CUL3: variants seen among roughly 807,000 people sequenced by gnomAD.
CUL3 encodes cullin 3, also known as cullin-3.
A neutral mutation model predicts 89.1 loss-of-function variants in CUL3; 19 were observed. The ratio of observed to expected loss-of-function variants is 0.21; its 90% CI spans 0.15 to 0.31. The LOEUF (loss-of-function observed/expected upper bound fraction) is 0.31, where lower values mean the gene tolerates loss of function less well. Ranked by LOEUF, CUL3 falls within the 10% of genes least tolerant of loss-of-function variation. The pLI, the probability that CUL3 is intolerant of heterozygous loss-of-function variation, is 1.00. For synonymous variants in CUL3, 351 were observed against 308.4 expected (o/e 1.14, Z -1.45); for missense variants, 469 against 942.3 (o/e 0.50, Z 6.58).
At chr2:224,530,009 C>T (rs764065628) in intron 3 of CUL3, among the ~76,000 whole-genome samples, 5 of 151,862 alleles carry the variant, frequency 3.3e-5, no homozygotes, top group Non-Finnish European at 7.4e-5. Context: ...GAGGCCAAGG[C>T]GGGCAGATCA....
At chr2:224,510,818 T>G (rs1046848434) in intron 6 of CUL3, among the ~76,000 whole-genome samples, 38 of 152,336 alleles carry the variant, frequency 2.5e-4, no homozygotes, top group African/African-American at 7.5e-4. Context: ...CACTCCTCCT[T>G]CCTCCTTTTC....
chr2:224,500,437 A>G lies in CUL3; in HGVS notation c.1536T>C (p.Tyr512=). 6.2e-7 allele frequency: 1 copy of G among 1,613,922 alleles called. No homozygotes were observed. The highest frequency in any genetic ancestry group is 8.5e-7 in the Non-Finnish European group (1 of 1,179,896). ...TTGGTGTGGCTGACTGAGTGGGCCAATATCCTGTCGTGAGCACCCGGACTG... is the reference window on the plus strand; with the variant it reads ...TTGGTGTGGCTGACTGAGTGGGCCAGTATCCTGTCGTGAGCACCCGGACTG... ...DLTVRVLTTG[Y]WPTQSATPKC... Residue 512 remains tyrosine, a synonymous_variant, in exon 11 of 16, where the codon TAT becomes TAC. Transcript: ENST00000264414.
intron 1 of CUL3, among the ~76,000 whole-genome samples, chr2:224,561,329 A>G (rs1262767003): frequency 6.6e-6 from 1 of 152,230 alleles, no homozygotes; most frequent in East Asian, 1.9e-4. Context: ...TTACAACCTA[A>G]GCAACATTGA....
intron 6 of CUL3, among the ~76,000 whole-genome samples, chr2:224,508,379 G>A (rs559840989): frequency 6.6e-6 from 1 of 151,998 alleles, no homozygotes; most frequent in Non-Finnish European, 1.5e-5. Flanking sequence ...TTACAACCAA[G>A]TTTCCCATAT....
chr2:224,518,814 T>C (rs1377723899), intron 3 of CUL3, among the ~76,000 whole-genome samples: 1 of 152,228 alleles, frequency 6.6e-6, no homozygotes. Context: ...CCCCTTCTAT[T>C]TGCTATCGGT....
At chr2:224,523,317 T>G (rs1254741952) in intron 3 of CUL3, among the ~76,000 whole-genome samples, 1 of 151,630 alleles carries the variant, frequency 6.6e-6, no homozygotes, top group African/African-American at 2.4e-5. Flanking sequence ...CCAACGCCCC[T>G]GGAAGAACAA....
In CUL3 at chr2:224,497,786, A is replaced by G; in HGVS notation, c.1674T>C (p.Asp558=). Residue 558 remains aspartate (D), a synonymous_variant, in exon 12 of 16, where the codon GAT becomes GAC. Coordinates refer to ENST00000264414, the MANE Select transcript of CUL3 (RefSeq NM_003590.5). The part of the protein sequence containing the change: ...LTLQHHMGSA[D]LNATFYGPVK... The stretch of plus-strand genomic sequence containing the variant: ...CTGGTCCATAAAATGTGGCATTGAG[A>G]TCTGCAGAACCCATATGATGCTGGA... 6.2e-7 allele frequency: 1 copy of G among 1,613,980 alleles called. No individual in the cohort carries two copies. Among genetic ancestry groups the G allele is most frequent in the Non-Finnish European group, 8.5e-7 (1 of 1,179,844 alleles).
chr2:224,480,775 G>A (rs1261187637), intron 14 of CUL3, among the ~76,000 whole-genome samples: 2 of 152,112 alleles, frequency 1.3e-5, no homozygotes, highest in Non-Finnish European at 2.9e-5. Context: ...CTGCCCAAAT[G>A]TATAAAGTAG....
intron 13 of CUL3, among the ~76,000 whole-genome samples, chr2:224,486,946 TG>T (rs532627814): frequency 3.3e-5 from 5 of 150,784 alleles, no homozygotes; most frequent in African/African-American, 7.3e-5. Context: ...CAGAAGAGAG[TG>T]GGGGGGGCCA....
intron 6 of CUL3, among the ~76,000 whole-genome samples, chr2:224,510,263 G>A (rs1692768021): frequency 7.3e-6 from 1 of 136,868 alleles, no homozygotes; most frequent in Non-Finnish European, 1.6e-5. Flanking sequence ...TTTAACTGAA[G>A]AGTCTTTTAA....
intron 1 of CUL3, chr2:224,560,348 T>G (rs1454147104): frequency 6.6e-6 from 1 of 152,200 alleles, no homozygotes; most frequent in African/African-American, 2.4e-5. Context: ...AATTGATACA[T>G]TCTCTGGCCC....
intron 1 of CUL3, among the ~76,000 whole-genome samples, chr2:224,564,911 T>C (rs996781965): frequency 1.3e-5 from 2 of 152,212 alleles, no homozygotes; most frequent in African/African-American, 4.8e-5. Context: ...TACCTAATTA[T>C]ACAAGCTAGA....
intron 15 of CUL3, among the ~76,000 whole-genome samples, chr2:224,475,041 C>A (rs1691263320): frequency 2.0e-5 from 3 of 152,008 alleles, no homozygotes; most frequent in Admixed American, 2.0e-4. Flanking sequence ...TTTTTGAGAT[C>A]GAGTCTTGCT....
chr2:224,573,066 T>C (rs1559240352), intron 1 of CUL3, among the ~76,000 whole-genome samples: 1 of 152,170 alleles, frequency 6.6e-6, no homozygotes, highest in South Asian at 2.1e-4. Context: ...ATAGCATTCA[T>C]CAAAAAAGCA....
rs186513133 is a variant in CUL3 at position 224,554,377 on chromosome 2, T to C, written c.264+3282A>G. ...TCCATTATTAAGTAAATTTAAAGGA[T>C]TCCTAGAATTTAAAGGACTGGAGGT... is the stretch of plus-strand genomic sequence containing the variant. On this transcript the variant is annotated intron_variant, in intron 2 of 15. Coordinates refer to ENST00000264414, the MANE Select transcript of CUL3 (RefSeq NM_003590.5). Among the ~76,000 whole-genome samples the C allele has an allele frequency of 1.7e-3, 263 of 152,284 alleles. 2 individuals are homozygous for C. The highest frequency in any genetic ancestry group is 6.3e-4 in the Non-Finnish European group (43 of 68,018).
intron 15 of CUL3, among the ~76,000 whole-genome samples, chr2:224,475,335 C>T (rs540192124): frequency 6.6e-6 from 1 of 152,264 alleles, no homozygotes; most frequent in South Asian, 2.1e-4. Flanking sequence ...GTTCTTAACC[C>T]TGCAAAATAA....
chr2:224,483,333 T>C (rs2106154998), intron 13 of CUL3, among the ~76,000 whole-genome samples: 1 of 152,300 alleles, frequency 6.6e-6, no homozygotes, highest in African/African-American at 2.4e-5. Context: ...AAGTATTTTA[T>C]AAAAGTCAGT....
chr2:224,557,568 A>G, intron 2 of CUL3, 91 bp downstream of exon 2: 1 of 869,226 alleles, frequency 1.2e-6, no homozygotes, highest in Admixed American at 2.8e-5. Context: ...TGGCACCTTT[A>G]AAAAGAACAC....
chr2:224,500,707 C>T (rs900531897), intron 10 of CUL3, among the ~76,000 whole-genome samples: 2 of 150,106 alleles, frequency 1.3e-5, no homozygotes, highest in East Asian at 3.9e-4. Flanking sequence ...CTCACTGCAA[C>T]CTCCGCCTCC....
Sources: gnomAD v4.1 joint callset for allele counts (sites outside exome capture counted in the v4.1 genomes callset) on GRCh38, gnomAD v4.1.1 for gene constraint, MANE v1.5 for transcripts, NCBI Gene and HGNC (gene_info 2026-07-23, HGNC 2026-07-21) for gene names.